Variants in LRP5 observed in about 807,000 individuals in gnomAD.
The protein encoded by LRP5 is LDL receptor related protein 5.
A neutral mutation model predicts 154.1 loss-of-function variants in LRP5; 62 were observed. The ratio of observed to expected loss-of-function variants is 0.40; its 90% CI spans 0.33 to 0.50. The LOEUF is 0.50. LRP5 is among the 20% of genes least tolerant of loss of function. LRP5 has a pLI of 0.55. For synonymous variants in LRP5, 966 were observed against 1,011.5 expected (o/e 0.96, Z 0.85); for missense variants, 1,915 against 2,336.7 (o/e 0.82, Z 3.72).
chr11:68,348,801 G>T (rs1360054032), intron 2 of LRP5, among the ~76,000 whole-genome samples: 1 of 152,094 alleles, frequency 6.6e-6, no homozygotes, highest in Admixed American at 6.5e-5. Flanking sequence ...AAAATGAATC[G>T]GGTGTGATGG....
chr11:68,448,953 C>T lies in LRP5; in HGVS notation c.4731C>T (p.Pro1577=), dbSNP rs1475209474. The change falls in exon 23 of 23, where the codon CCC becomes CCT. Residue 1577 remains proline (P), a synonymous_variant. Coordinates refer to ENST00000294304, the MANE Select transcript of LRP5 (RefSeq NM_002335.4). ...ACTCAGACCCCTATCCACCCCCACCCACGCCCCACAGCCAGTACCTGTCGG... is the reference window on the plus strand; with the variant it reads ...ACTCAGACCCCTATCCACCCCCACCTACGCCCCACAGCCAGTACCTGTCGG... The part of the protein sequence containing the change: ...NSDSDPYPPP[P]TPHSQYLSAE... The T allele has an allele frequency of 1.2e-6, 2 of 1,612,982 alleles. No individual in the cohort carries two copies. The highest frequency in any genetic ancestry group is 2.2e-5 in the East Asian group (1 of 44,870).
At chr11:68,343,462 G>T (rs2098610325) in intron 1 of LRP5, among the ~76,000 whole-genome samples, 1 of 152,160 alleles carries the variant, frequency 6.6e-6, no homozygotes, top group South Asian at 2.1e-4. Context: ...TTCAGCCTGG[G>T]TGGATCACAC....
intron 5 of LRP5, among the ~76,000 whole-genome samples, chr11:68,382,842 G>A (rs938825921): frequency 2.6e-5 from 4 of 151,942 alleles, no homozygotes; most frequent in Admixed American, 2.6e-4. Context: ...TAGCTCAAGG[G>A]GTGGTGTGTG....
At chr11:68,305,199 G>A in the LRP5 span, among the ~76,000 whole-genome samples, 1 of 152,062 alleles carries the variant, frequency 6.6e-6, no homozygotes, top group African/African-American at 2.4e-5. Flanking sequence ...TGCTGTCCTT[G>A]CAATGGTGAG....
At chr11:68,333,693 T>C (rs928884981) in intron 1 of LRP5, among the ~76,000 whole-genome samples, 6 of 152,230 alleles carry the variant, frequency 3.9e-5, no homozygotes, top group Middle Eastern at 3.2e-3. Flanking sequence ...TTTTTAAATG[T>C]GGTTTGAATT....
At chr11:68,303,225 G>GA in the LRP5 span, among the ~76,000 whole-genome samples, 1 of 152,104 alleles carries the variant, frequency 6.6e-6, no homozygotes, top group Admixed American at 6.5e-5. Flanking sequence ...TCAACCTCCT[G>GA]GGTTCAAGTG....
At chr11:68,405,058 C>T (rs2098654815) in intron 8 of LRP5, among the ~76,000 whole-genome samples, 1 of 151,038 alleles carries the variant, frequency 6.6e-6, no homozygotes, top group Admixed American at 6.6e-5. Context: ...ACTCGAGAGG[C>T]TGAGGCGGAG....
Position 68,362,184 on chromosome 11 carries a change from A to G in LRP5, c.687-1563A>G, listed in dbSNP as rs1261726839. On this transcript the variant is annotated intron_variant, in intron 3 of 22. Transcript: ENST00000294304. ...AGAAGACAGACATCAGAGGCTGTAT[A>G]TTGTGATTCCGTTTATATGAGATGT... Among the ~76,000 whole-genome samples the G allele has an allele frequency of 2.0e-5, 3 of 152,240 alleles. No homozygotes were observed. In the East Asian group the frequency reaches 5.8e-4, roughly 29 times the overall value.
rs573670 is a variant in LRP5, at chr11:68,423,383, G to A, written c.3028-106G>A. 11 of 1,025,982 alleles carry A rather than the reference G, an allele frequency of 1.1e-5. No individual in the cohort carries two copies. Among genetic ancestry groups the A allele is most frequent in the South Asian group, 2.5e-5 (2 of 78,844 alleles). 63.6% of individuals were successfully genotyped at this position (1,025,982 alleles called of 1,614,324 possible). A position where few individuals can be genotyped will look rare whatever the true frequency, so the allele number is the denominator to read the frequency against. The stretch of plus-strand genomic sequence containing the variant: ...GCCCAGGGCTCTCCAGCCAGTGCCC[G>A]GGGGTCTCCACCAGTGCCCGGGGGT... On this transcript the variant is annotated intron_variant, in intron 13 of 22. Transcript: ENST00000294304. This position sits in a 1 kb window ranked among gnomAD's most constrained non-coding sequence, Gnocchi z 4.7.
upstream of LRP5, among the ~76,000 whole-genome samples, chr11:68,309,604 T>C (rs970626958): frequency 1.3e-5 from 2 of 150,880 alleles, no homozygotes; most frequent in Non-Finnish European, 2.9e-5. Context: ...TTTTTAATTC[T>C]TGGTACATTT....
chr11:68,315,004 T>A (rs970168358), intron 1 of LRP5, among the ~76,000 whole-genome samples: 13 of 152,164 alleles, frequency 8.5e-5, no homozygotes, highest in African/African-American at 2.4e-4. Flanking sequence ...AGGCATTTAG[T>A]AGAACTCACA....
chr11:68,386,396 G>A lies in LRP5; in HGVS notation c.1096G>A (p.Val366Met), dbSNP rs367543496. Reference sequence around the variant, plus strand: ...GGACACGCCGGACTTCACCGACATCGTGCTGCAGGTGGACGACATCCGGCA... The same window carrying A: ...GGACACGCCGGACTTCACCGACATCATGCTGCAGGTGGACGACATCCGGCA... Reference protein sequence around the residue: ...SLDTPDFTDIVLQVDDIRHAI... With the variant: ...SLDTPDFTDIMLQVDDIRHAI... Residue 366 changes from valine (V) to methionine (M), a missense_variant, in exon 6 of 23, where the codon GTG (valine) becomes ATG (methionine). Physicochemically the swap from Val to Met is conservative, Grantham distance 21. Around this residue, in one of 3 missense-constraint regions of LRP5, gnomAD observed 773 missense variants for 1,100.9 expected, o/e 0.70. Coordinates refer to ENST00000294304, the MANE Select transcript of LRP5 (RefSeq NM_002335.4). This position sits in a 1 kb window ranked among gnomAD's most constrained non-coding sequence, Gnocchi z 7.9. 47 of 1,613,776 alleles carry A rather than the reference G, an allele frequency of 2.9e-5. 1 individual carries two copies. The highest frequency in any genetic ancestry group is 1.9e-4 in the South Asian group (17 of 91,088).
At chr11:68,317,079 G>A (rs2098593861) in intron 1 of LRP5, among the ~76,000 whole-genome samples, 1 of 152,242 alleles carries the variant, frequency 6.6e-6, no homozygotes, top group Non-Finnish European at 1.5e-5. Context: ...CGCCCTGGAG[G>A]GCTGTCCTGG....
intron 8 of LRP5, among the ~76,000 whole-genome samples, chr11:68,406,008 C>G (rs973313167): frequency 2.0e-5 from 3 of 152,264 alleles, no homozygotes; most frequent in Admixed American, 2.0e-4. Flanking sequence ...CGAGCTGCTC[C>G]CTGACTTCCT....
chr11:68,326,568 G>A (rs748006918), intron 1 of LRP5, among the ~76,000 whole-genome samples: 3 of 152,242 alleles, frequency 2.0e-5, no homozygotes, highest in African/African-American at 4.8e-5. Context: ...GGCCCTGTGC[G>A]CAGTTGGCGC....
intron 5 of LRP5, among the ~76,000 whole-genome samples, chr11:68,383,877 A>G (rs1229209274): frequency 1.3e-5 from 2 of 152,186 alleles, no homozygotes; most frequent in African/African-American, 4.8e-5. Flanking sequence ...GTCCATTGTC[A>G]ACAGAACATT....
intron 9 of LRP5, among the ~76,000 whole-genome samples, chr11:68,409,069 AAAAAATATATAT>A (rs2098657510): frequency 2.0e-5 from 1 of 51,124 alleles, no homozygotes; most frequent in African/African-American, 9.5e-5. Flanking sequence ...AAAAAAAAAA[AAAAAATATATAT>A]ATATATATAT....
intron 1 of LRP5, among the ~76,000 whole-genome samples, chr11:68,333,136 C>T (rs898580198): frequency 6.6e-6 from 1 of 152,116 alleles, no homozygotes; most frequent in African/African-American, 2.4e-5. Flanking sequence ...GCCACCGCCA[C>T]CCCAGTAGGA....
At chr11:68,362,073 A>T (rs2153138415) in intron 3 of LRP5, among the ~76,000 whole-genome samples, 1 of 152,346 alleles carries the variant, frequency 6.6e-6, no homozygotes, top group South Asian at 2.1e-4. Flanking sequence ...CTGTCTGCAC[A>T]CTGGAATATG....
Sources: gnomAD v4.1 joint callset for allele counts (sites outside exome capture counted in the v4.1 genomes callset) on GRCh38, gnomAD v4.1.1 for gene constraint, gnomAD v4.1.1 regional missense constraint, Gnocchi (gnomAD v3.1) non-coding constraint, MANE v1.5 for transcripts, NCBI Gene and HGNC (gene_info 2026-07-23, HGNC 2026-07-21) for gene names.